Variants in FAT3 observed in about 807,000 individuals in gnomAD.
FAT3 encodes the protein protocadherin Fat 3.
A neutral mutation model predicts 310.2 loss-of-function variants in FAT3; 95 were observed. That is an observed-to-expected ratio of 0.31 (90% CI 0.26 to 0.36). The LOEUF (loss-of-function observed/expected upper bound fraction) is 0.36. FAT3 is among the 10% of genes least tolerant of loss of function. The pLI is 1.00. For missense variants in FAT3, 5,408 were observed against 5,715.6 expected, an observed-to-expected ratio of 0.95 and a Z score of 1.74; for synonymous variants, 2,314 against 2,192.9, an observed-to-expected ratio of 1.06 and a Z score of -1.54.
intron 10 of FAT3, among the ~76,000 whole-genome samples, chr11:92,804,281 C>T (rs570199379): frequency 6.6e-6 from 1 of 151,752 alleles, no homozygotes; most frequent in East Asian, 1.9e-4. Context: ...ATCATCAAAC[C>T]TGACTCCTGA....
In FAT3 at chr11:92,226,418, G is replaced by A. The variant is rs1863910746; in HGVS notation, c.-18+1244G>A. On this transcript the variant is annotated intron_variant, in intron 1 of 27. Coordinates refer to ENST00000525166, the MANE Select transcript of FAT3 (RefSeq NM_001367949.2). ...CCTCTTGTGGGCGGGGGGTGGCGGG[G>A]GCGTGCTTGGGGCAAGGATGCAGGG... Among the ~76,000 whole-genome samples, 5 of 151,970 alleles carry A rather than the reference G, an allele frequency of 3.3e-5. No homozygotes were observed. In the South Asian group the frequency reaches 1.0e-3, roughly 32 times the overall value.
intron 2 of FAT3, among the ~76,000 whole-genome samples, chr11:92,449,540 G>A (rs1429365046): frequency 6.6e-6 from 1 of 151,976 alleles, no homozygotes; most frequent in African/African-American, 2.4e-5. Context: ...AATAGAATGG[G>A]TCAAGTGTTG....
chr11:92,749,280 A>C (rs1022890375), intron 4 of FAT3, among the ~76,000 whole-genome samples: 1 of 152,128 alleles, frequency 6.6e-6, no homozygotes, highest in Non-Finnish European at 1.5e-5. Flanking sequence ...GTTAACACAC[A>C]TACACAAATA....
At chr11:92,792,035 A>G (rs1403960374) in intron 8 of FAT3, among the ~76,000 whole-genome samples, 2 of 152,158 alleles carry the variant, frequency 1.3e-5, no homozygotes, top group African/African-American at 2.4e-5. Flanking sequence ...GCTTTTGTAT[A>G]TATTGGCTTT....
At chr11:92,435,486 C>CCTTCCTT (rs1187166277) in intron 2 of FAT3, among the ~76,000 whole-genome samples, 2 of 135,080 alleles carry the variant, frequency 1.5e-5, no homozygotes, top group African/African-American at 6.7e-5. Flanking sequence ...TTCCTTCCTT[C>CCTTCCTT]CTTCCTTCCT....
intron 4 of FAT3, among the ~76,000 whole-genome samples, chr11:92,744,788 A>G (rs1167893992): frequency 6.6e-6 from 1 of 152,246 alleles, no homozygotes; most frequent in East Asian, 1.9e-4. Context: ...GCCAAAAAAA[A>G]GAAAGCATAT....
At chr11:92,648,575 G>T (rs140275007) in intron 3 of FAT3, among the ~76,000 whole-genome samples, 62 of 152,290 alleles carry the variant, frequency 4.1e-4, no homozygotes, top group African/African-American at 1.5e-3. Context: ...CAGCTCCAGA[G>T]CTCCTCCTGG....
At chr11:92,506,353 T>C (rs558321808) in intron 2 of FAT3, among the ~76,000 whole-genome samples, 10 of 152,232 alleles carry the variant, frequency 6.6e-5, no homozygotes, top group East Asian at 3.9e-4. Context: ...CTTTTCCTTA[T>C]TGTCTGACCT....
chr11:92,323,585 C>CTTTTTTTTTT (rs1206086265), intron 1 of FAT3, among the ~76,000 whole-genome samples: 5 of 133,838 alleles, frequency 3.7e-5, no homozygotes, highest in South Asian at 2.5e-4. Context: ...CTTTTTTTTT[C>CTTTTTTTTTT]TTTTTTTTTT....
intron 13 of FAT3, among the ~76,000 whole-genome samples, chr11:92,814,316 T>C (rs767847680): frequency 2.6e-5 from 4 of 152,244 alleles, no homozygotes; most frequent in Non-Finnish European, 4.4e-5. Context: ...CATATCCTGA[T>C]TTAAGAAATT....
intron 3 of FAT3, among the ~76,000 whole-genome samples, chr11:92,614,206 A>G (rs1940697294): frequency 6.6e-6 from 1 of 152,128 alleles, no homozygotes; most frequent in South Asian, 2.1e-4. Flanking sequence ...TACTGCTATG[A>G]ACATTCATGT....
At chr11:92,532,579 T>C (rs1202392115) in intron 3 of FAT3, among the ~76,000 whole-genome samples, 2 of 152,124 alleles carry the variant, frequency 1.3e-5, no homozygotes, top group Non-Finnish European at 2.9e-5. Context: ...ATAATAATAA[T>C]AACAAAACTT....
intron 3 of FAT3, among the ~76,000 whole-genome samples, chr11:92,530,286 C>G (rs960621978): frequency 1.3e-5 from 2 of 152,036 alleles, no homozygotes; most frequent in African/African-American, 4.8e-5. Flanking sequence ...GCATTTTTAA[C>G]AAGTTTCTAG....
At chr11:92,499,723 A>ATGTGTGTGTGTGTGTGTGTGTGTGTG (rs61267708) in intron 2 of FAT3, among the ~76,000 whole-genome samples, 3 of 127,746 alleles carry the variant, frequency 2.3e-5, no homozygotes, top group African/African-American at 7.9e-5. Flanking sequence ...ATGTGTGTGT[A>ATGTGTGTGTGTGTGTGTGTGTGTGTG]TGTGTGTGTG....
chr11:92,353,611 A>T lies in FAT3; in HGVS notation c.1499A>T (p.Asp500Val). 6.2e-7 allele frequency: 1 copy of T among 1,613,864 alleles called. No individual in the cohort carries two copies. The highest frequency in any genetic ancestry group is 8.5e-7 in the Non-Finnish European group (1 of 1,179,874). Residue 500 changes from aspartate to valine, a missense_variant, in exon 2 of 28, where the codon GAT (aspartate) becomes GTT (valine). This residue lies in a region of FAT3 where 4,588 missense variants were observed against 4,809.8 expected (regional missense o/e 0.95). Coordinates refer to ENST00000525166, the MANE Select transcript of FAT3 (RefSeq NM_001367949.2). ...CTAACAGTTTCAGCTTCTGATAAGG[A>T]TAAAGGAGAAAATGGGTACATCACC... ...SVLTVSASDK[D>V]KGENGYITYS...
intron 2 of FAT3, among the ~76,000 whole-genome samples, chr11:92,394,730 T>C (rs987151731): frequency 2.0e-5 from 3 of 152,244 alleles, no homozygotes; most frequent in African/African-American, 7.2e-5. Flanking sequence ...CATTTTAAAA[T>C]TGAATCTACA....
rs754156054 is a variant in FAT3 at position 92,883,329 on chromosome 11, C to G, written c.12873C>G (p.Ala4291=). ...VVCSVAPNLP[A]VSPCRSDCDS... is the part of the protein sequence containing the mutation. ...GCAGTGTGGCCCCCAACCTCCCCGC[C>G]GTGTCACCCTGCCGCTCCGACTGCG... The change falls in exon 24 of 28, where the codon GCC becomes GCG. Residue 4291 remains alanine (A), a synonymous_variant. Transcript: ENST00000525166. This position sits in a 1 kb window ranked among gnomAD's most constrained non-coding sequence, Gnocchi z 4.2. 1.7e-5 allele frequency: 28 copies of G among 1,611,334 alleles called. No individual in the cohort carries two copies. In the East Asian group the frequency reaches 6.0e-4, roughly 35 times the overall value.
chr11:92,472,380 C>T (rs1591335395), intron 2 of FAT3, among the ~76,000 whole-genome samples: 2 of 152,030 alleles, frequency 1.3e-5, no homozygotes, highest in Admixed American at 1.3e-4. Flanking sequence ...TTTTTTTCTA[C>T]CAGTCATCAT....
intron 2 of FAT3, among the ~76,000 whole-genome samples, chr11:92,412,722 T>C (rs376942564): frequency 7.3e-4 from 13 of 17,738 alleles, no homozygotes; most frequent in Non-Finnish European, 1.8e-3. Context: ...TATATATATA[T>C]ATATATATAT....
Sources: allele counts gnomAD v4.1 joint callset (sites outside exome capture counted in the v4.1 genomes callset), GRCh38; gene constraint gnomAD v4.1.1; regional missense constraint gnomAD v4.1.1; non-coding constraint Gnocchi (gnomAD v3.1); transcripts MANE v1.5; gene names NCBI Gene and HGNC (gene_info 2026-07-23, HGNC 2026-07-21).